The following MAGI1 variants were observed in gnomAD, a reference collection of about 807,000 sequenced individuals.
MAGI1 encodes the protein membrane associated guanylate kinase, WW and PDZ domain containing 1.
In MAGI1, 58 loss-of-function variants were observed where a neutral mutation model predicts 139.9. That is an observed-to-expected ratio of 0.41 (90% confidence interval 0.34 to 0.52). The LOEUF (loss-of-function observed/expected upper bound fraction) is 0.52. Among genes scored for constraint, MAGI1 ranks in the 20% least tolerant of loss-of-function variants. MAGI1 has a pLI of 0.12. For synonymous variants in MAGI1, 812 were observed against 737.9 expected (o/e 1.10, Z -1.63); for missense variants, 1,874 against 1,901.6 (o/e 0.99, Z 0.27).
chr3:65,747,463 C>A (rs2035799726), intron 1 of MAGI1, among the ~76,000 whole-genome samples: 1 of 152,068 alleles, frequency 6.6e-6, no homozygotes, highest in South Asian at 2.1e-4. Flanking sequence ...GAAACTATTT[C>A]TTTAAAAAAT....
At chr3:65,910,889 G>A (rs71306791) in intron 1 of MAGI1, among the ~76,000 whole-genome samples, 4 of 48,498 alleles carry the variant, frequency 8.2e-5, no homozygotes, top group Admixed American at 2.6e-4. Flanking sequence ...ATGGAGACTC[G>A]CTCTGTAGCC....
At chr3:65,888,361 A>C (rs2108559526) in intron 1 of MAGI1, among the ~76,000 whole-genome samples, 1 of 152,294 alleles carries the variant, frequency 6.6e-6, no homozygotes, top group South Asian at 2.1e-4. Flanking sequence ...GAGCCAAGGG[A>C]AGTACTGAGC....
At chr3:66,027,811 G>A (rs926942346) in intron 1 of MAGI1, among the ~76,000 whole-genome samples, 1 of 152,114 alleles carries the variant, frequency 6.6e-6, no homozygotes, top group Admixed American at 6.5e-5. Context: ...TCCCTTGAGG[G>A]GCTGTTGTGT....
intron 11 of MAGI1, 133 bp downstream of exon 11, chr3:65,430,566 T>C (rs1206840107): frequency 1.1e-6 from 1 of 905,588 alleles, no homozygotes. Context: ...TCTCAAGGTG[T>C]TTAAAGCTGT....
At chr3:65,699,726 G>T (rs1321348790) in intron 1 of MAGI1, among the ~76,000 whole-genome samples, 1 of 120,260 alleles carries the variant, frequency 8.3e-6, no homozygotes, top group Non-Finnish European at 1.7e-5. Context: ...GGGGACTGTG[G>T]TGGGGTGGGG....
At chr3:65,795,638 T>G (rs1209578165) in intron 1 of MAGI1, among the ~76,000 whole-genome samples, 1 of 150,520 alleles carries the variant, frequency 6.6e-6, no homozygotes, top group South Asian at 2.1e-4. Context: ...AAGTTTAACT[T>G]AAAATGAAGC....
intron 2 of MAGI1, among the ~76,000 whole-genome samples, chr3:65,583,618 A>G (rs374748395): frequency 1.3e-5 from 2 of 152,114 alleles, no homozygotes; most frequent in Non-Finnish European, 2.9e-5. Context: ...ACAGCAACAG[A>G]AAGGAGGTTG....
intron 2 of MAGI1, among the ~76,000 whole-genome samples, chr3:65,545,031 A>C (rs11721065): frequency 0.38 from 57,015 of 151,996 alleles, 11,594 homozygotes; most frequent in East Asian, 0.71. Context: ...GCTGCAACGG[A>C]AACTTGTACA....
intron 1 of MAGI1, among the ~76,000 whole-genome samples, chr3:66,033,952 T>C (rs1351167123): frequency 1.3e-5 from 2 of 152,276 alleles, no homozygotes; most frequent in East Asian, 1.9e-4. Context: ...ATTTTTGGCA[T>C]AGAGAAATGT....
intron 1 of MAGI1, among the ~76,000 whole-genome samples, chr3:65,761,082 G>A (rs2036986461): frequency 6.6e-6 from 1 of 152,162 alleles, no homozygotes; most frequent in South Asian, 2.1e-4. Context: ...GATGAAAGAA[G>A]GGGACCCTTC....
At chr3:65,666,090 C>T (rs1452465922) in intron 1 of MAGI1, among the ~76,000 whole-genome samples, 1 of 152,112 alleles carries the variant, frequency 6.6e-6, no homozygotes, top group Non-Finnish European at 1.5e-5. Flanking sequence ...AGTCTACCTG[C>T]TGAGTTAGGA....
intron 12 of MAGI1, among the ~76,000 whole-genome samples, chr3:65,414,269 C>T (rs908197167): frequency 1.3e-5 from 2 of 152,202 alleles, no homozygotes; most frequent in Admixed American, 6.5e-5. Context: ...GTGCTCGGTT[C>T]ACCCCATTTT....
At chr3:65,992,048 T>C (rs1346672139) in intron 1 of MAGI1, among the ~76,000 whole-genome samples, 1 of 151,792 alleles carries the variant, frequency 6.6e-6, no homozygotes, top group East Asian at 1.9e-4. Flanking sequence ...AATACATAAA[T>C]CCGAATGCCA....
At chr3:65,963,470 G>A (rs562626239) in intron 1 of MAGI1, among the ~76,000 whole-genome samples, 40 of 152,018 alleles carry the variant, frequency 2.6e-4, no homozygotes, top group Middle Eastern at 3.4e-3. Flanking sequence ...ACAAAAATTC[G>A]CTGGGCATGG....
intron 1 of MAGI1, among the ~76,000 whole-genome samples, chr3:65,840,389 T>A (rs1300013395): frequency 6.6e-6 from 1 of 152,158 alleles, no homozygotes; most frequent in East Asian, 1.9e-4. Context: ...CAATGATAGC[T>A]CCAGGTTTTA....
chr3:65,879,441 C>T (rs1201892850), intron 1 of MAGI1, among the ~76,000 whole-genome samples: 1 of 152,028 alleles, frequency 6.6e-6, no homozygotes, highest in African/African-American at 2.4e-5. Context: ...ACAATTAAAG[C>T]CTACCTTATG....
chr3:65,756,941 T>C (rs931376046), intron 1 of MAGI1, among the ~76,000 whole-genome samples: 43 of 152,158 alleles, frequency 2.8e-4, no homozygotes, highest in African/African-American at 1.0e-3. Context: ...GAATGCCAAA[T>C]TTGAAAGTAT....
chr3:65,609,777 A>G (rs544824022), intron 2 of MAGI1: 26 of 347,140 alleles, frequency 7.5e-5, no homozygotes, highest in East Asian at 5.3e-4. Flanking sequence ...GGGTCTCCCA[A>G]TGTTGCCCAG....
intron 1 of MAGI1, among the ~76,000 whole-genome samples, chr3:65,638,002 G>C (rs1334335849): frequency 3.3e-5 from 5 of 152,146 alleles, no homozygotes; most frequent in Non-Finnish European, 4.4e-5. Flanking sequence ...CTATGTGACT[G>C]AACAAGTGAG....
Sources: gnomAD v4.1 joint callset for allele counts (sites outside exome capture counted in the v4.1 genomes callset) on GRCh38, gnomAD v4.1.1 for gene constraint, MANE v1.5 for transcripts, NCBI Gene and HGNC (gene_info 2026-07-23, HGNC 2026-07-21) for gene names.